B3GAT2: variants seen among roughly 807,000 people sequenced by gnomAD.
B3GAT2 encodes beta-1,3-glucuronyltransferase 2.
In B3GAT2, 26 loss-of-function variants were observed where a neutral mutation model predicts 27.8. The observed-to-expected ratio is 0.93, with a 90% confidence interval of 0.68 to 1.30. The LOEUF is 1.30. B3GAT2 is among the 50% of genes most tolerant of loss of function. The probability of loss-of-function intolerance (pLI) is 0.00; values close to 1 mark genes in which losing one functional copy is unlikely to be tolerated. For synonymous variants in B3GAT2, 218 were observed against 195.1 expected, an observed-to-expected ratio of 1.12 and a Z score of -0.98; for missense variants, 458 against 459.0, an observed-to-expected ratio of 1.00 and a Z score of 0.02.
At chr6:70,921,728 C>A (rs947732942) in intron 1 of B3GAT2, among the ~76,000 whole-genome samples, 1 of 152,110 alleles carries the variant, frequency 6.6e-6, no homozygotes, top group African/African-American at 2.4e-5. Context: ...GGCTGACATT[C>A]CTTTAATCTT....
chr6:70,863,142 C>T (rs540607342), intron 2 of B3GAT2, among the ~76,000 whole-genome samples: 1 of 152,316 alleles, frequency 6.6e-6, no homozygotes, highest in African/African-American at 2.4e-5. Context: ...GTGATACTGT[C>T]AAGTCAGGCA....
chr6:70,904,633 G>A (rs1772566902), intron 1 of B3GAT2, among the ~76,000 whole-genome samples: 1 of 152,152 alleles, frequency 6.6e-6, no homozygotes, highest in Admixed American at 6.5e-5. Flanking sequence ...CAAGTTCAAT[G>A]AAGACAGAAG....
rs1771585250 is a variant in B3GAT2 at position 70,859,231 on chromosome 6, T to TAA, written c.*2430_*2431dup. ...TGGGAATCTAAAAAATTGTATGTGCTAAGTGTCAGTCACATGGTCAACATG... is the reference window on the plus strand; with the variant it reads ...TGGGAATCTAAAAAATTGTATGTGCTAAAAGTGTCAGTCACATGGTCAACATG... On this transcript the variant is annotated 3_prime_UTR_variant, in exon 4 of 4. Coordinates refer to ENST00000230053, the MANE Select transcript of B3GAT2 (RefSeq NM_080742.3). 1.6e-5 allele frequency: 12 copies of TAA among 754,916 alleles called. No individual in the cohort carries two copies. In the South Asian group the frequency reaches 1.8e-4, roughly 11 times the overall value. The allele number at this position is 754,916 out of a possible 1,614,324, so 46.8% of individuals were successfully genotyped here.
intron 1 of B3GAT2, among the ~76,000 whole-genome samples, chr6:70,899,580 T>G (rs1409683038): frequency 6.6e-6 from 1 of 152,184 alleles, no homozygotes; most frequent in Non-Finnish European, 1.5e-5. Flanking sequence ...ATAATTAGTT[T>G]AAAAACTCAA....
rs1277575416 is a variant in B3GAT2, at chr6:70,857,370, C to G, written c.*4293G>C. ...ACAGTGTATTTTCTCTGCAGGTAAA[C>G]AGTCTTGAGTTACCACATGGATTAA... On this transcript the variant is annotated 3_prime_UTR_variant, in exon 4 of 4. Transcript: ENST00000230053. The G allele has an allele frequency of 1.6e-5, 3 of 182,380 alleles. No individual in the cohort carries two copies. Among genetic ancestry groups the G allele is most frequent in the Non-Finnish European group, 3.4e-5 (3 of 88,010 alleles). The allele number at this position is 182,380 out of a possible 1,614,324, so 11.3% of individuals were successfully genotyped here. A position where few individuals can be genotyped will look rare whatever the true frequency, so the allele number is the denominator to read the frequency against.
chr6:70,894,504 A>G (rs1453971476), intron 1 of B3GAT2, among the ~76,000 whole-genome samples: 1 of 152,208 alleles, frequency 6.6e-6, no homozygotes, highest in Non-Finnish European at 1.5e-5. Flanking sequence ...GGTTTAGGAG[A>G]AATAAAATGG....
chr6:70,894,165 G>A lies in B3GAT2; in HGVS notation c.699C>T (p.Gly233=). The change falls in exon 2 of 4, where the codon GGC becomes GGT. Residue 233 remains glycine, a synonymous_variant. Transcript: ENST00000230053. ...ENGKVVGWYT[G]WRADRPFAID... The stretch of plus-strand genomic sequence containing the variant: ...TGGCAAAAGGCCTGTCTGCTCTCCA[G>A]CCGGTGTACCAGCCAACAACTTTGC... The A allele has an allele frequency of 6.2e-7, 1 of 1,613,462 alleles. No individual in the cohort carries two copies. The highest frequency in any genetic ancestry group is 8.5e-7 in the Non-Finnish European group (1 of 1,179,572).
intron 2 of B3GAT2, among the ~76,000 whole-genome samples, chr6:70,875,520 C>T (rs760955188): frequency 1.3e-5 from 2 of 152,184 alleles, no homozygotes; most frequent in Non-Finnish European, 2.9e-5. Flanking sequence ...GCTCATATGT[C>T]ATGAAGTGTT....
At chr6:70,928,611 A>C (rs1342782951) in intron 1 of B3GAT2, among the ~76,000 whole-genome samples, 2 of 152,204 alleles carry the variant, frequency 1.3e-5, no homozygotes, top group Non-Finnish European at 2.9e-5. Flanking sequence ...TCCTGGACAC[A>C]TACAACCTCC....
At chr6:70,880,475 A>C (rs1202581725) in intron 2 of B3GAT2, among the ~76,000 whole-genome samples, 1 of 152,070 alleles carries the variant, frequency 6.6e-6, no homozygotes, top group Non-Finnish European at 1.5e-5. Context: ...TCAAAACTCA[A>C]GTATTATAGG....
At position 70,894,282 on chromosome 6, in the gene B3GAT2, G is replaced by C. The variant is rs780300853; in HGVS notation, c.592-10C>G. On this transcript the variant is annotated splice_polypyrimidine_tract_variant and intron_variant, in intron 1 of 3. Transcript: ENST00000230053. ...TGCGGGTGGTTCGCATCTATAAAAA[G>C]GGAAAAGACATGTGTTTTAAGTTTC... 7.0e-6 allele frequency: 11 copies of C among 1,564,488 alleles called. No homozygotes were observed. Among genetic ancestry groups the C allele is most frequent in the Non-Finnish European group, 9.5e-6 (11 of 1,155,108 alleles).
chr6:70,877,239 C>G (rs569558615), intron 2 of B3GAT2, among the ~76,000 whole-genome samples: 24 of 152,262 alleles, frequency 1.6e-4, no homozygotes, highest in Admixed American at 3.9e-4. Flanking sequence ...AGCACAGGTA[C>G]AGAGAGTGCT....
chr6:70,889,863 A>G (rs1772257821), intron 2 of B3GAT2, among the ~76,000 whole-genome samples: 1 of 151,016 alleles, frequency 6.6e-6, no homozygotes, highest in Non-Finnish European at 1.5e-5. Flanking sequence ...GCTCACTGCA[A>G]CCTCCACCTC....
At chr6:70,931,276 T>C (rs1773059196) in intron 1 of B3GAT2, among the ~76,000 whole-genome samples, 1 of 151,998 alleles carries the variant, frequency 6.6e-6, no homozygotes, top group Non-Finnish European at 1.5e-5. Flanking sequence ...GGCACATATA[T>C]ACATATGTAA....
chr6:70,956,294 C>T lies in B3GAT2; in HGVS notation c.136G>A (p.Gly46Ser), dbSNP rs1190109024. The change falls in exon 1 of 4, where the codon GGC (glycine) becomes AGC (serine). Residue 46 changes from glycine (G) to serine (S), a missense_variant. Transcript: ENST00000230053. Reference protein sequence around the residue: ...PRPYFSPYAVGRGGARLPLRR... With the variant: ...PRPYFSPYAVSRGGARLPLRR... ...AGCGGGAGTCGGGCGCCCCCGCGGCCCACCGCGTAGGGAGAGAAGTAGGGG... is the reference window on the plus strand; with the variant it reads ...AGCGGGAGTCGGGCGCCCCCGCGGCTCACCGCGTAGGGAGAGAAGTAGGGG... 6.2e-7 allele frequency: 1 copy of T among 1,601,064 alleles called. No homozygotes were observed.
At chr6:70,932,566 C>T (rs1773078408) in intron 1 of B3GAT2, among the ~76,000 whole-genome samples, 1 of 152,062 alleles carries the variant, frequency 6.6e-6, no homozygotes, top group Non-Finnish European at 1.5e-5. Context: ...TATGATTCCA[C>T]TTATATGAGG....
chr6:70,906,939 A>T (rs983120224), intron 1 of B3GAT2, among the ~76,000 whole-genome samples: 2 of 152,224 alleles, frequency 1.3e-5, no homozygotes, highest in Admixed American at 6.5e-5. Context: ...AAACAGCATT[A>T]CAATAGCAAA....
Position 70,858,862 on chromosome 6 carries a change from G to A in B3GAT2, c.*2801C>T, listed in dbSNP as rs1367665730. 1 of 153,106 alleles carries A rather than the reference G, an allele frequency of 6.5e-6. No homozygotes were observed. Among genetic ancestry groups the A allele is most frequent in the Non-Finnish European group, 1.5e-5 (1 of 68,702 alleles). 9.5% of individuals were successfully genotyped at this position (153,106 alleles called of 1,614,324 possible). On this transcript the variant is annotated 3_prime_UTR_variant, in exon 4 of 4. Transcript: ENST00000230053. ...CAAAAAGATTCAATTCCCATAAGGT[G>A]TGAACCAGACATCCCCTCATATTAT...
chr6:70,937,237 C>A (rs1174893232), intron 1 of B3GAT2, among the ~76,000 whole-genome samples: 131 of 151,732 alleles, frequency 8.6e-4, no homozygotes, highest in African/African-American at 2.8e-3. Flanking sequence ...CAATAACAGG[C>A]TCTGAAATTG....
Sources: gnomAD v4.1 joint callset for allele counts (sites outside exome capture counted in the v4.1 genomes callset) on GRCh38, gnomAD v4.1.1 for gene constraint, MANE v1.5 for transcripts, NCBI Gene and HGNC (gene_info 2026-07-23, HGNC 2026-07-21) for gene names.